Variants in ETFA observed in about 807,000 individuals in gnomAD.
ETFA encodes electron transfer flavoprotein subunit alpha, also known as electron transfer flavoprotein subunit alpha, mitochondrial.
ETFA carries 22 observed loss-of-function variants against 46.2 expected under a neutral mutation model. The ratio of observed to expected loss-of-function variants is 0.48; its 90% CI spans 0.34 to 0.68. The LOEUF (loss-of-function observed/expected upper bound fraction) is 0.68. Among genes scored for constraint, ETFA ranks in the 30% least tolerant of loss-of-function variants. ETFA has a pLI of 0.01. For missense variants in ETFA, 345 were observed against 401.1 expected (o/e 0.86, Z 1.19); for synonymous variants, 131 against 139.9 (o/e 0.94, Z 0.45).
chr15:76,259,809 T>A, intron 9 of ETFA: 1 of 1,602,836 alleles, frequency 6.2e-7, no homozygotes, highest in South Asian at 1.1e-5. Flanking sequence ...ATGTCCACCA[T>A]GAACCGGATC....
chr15:76,289,697 A>G (rs1262672592), intron 4 of ETFA, among the ~76,000 whole-genome samples: 1 of 152,240 alleles, frequency 6.6e-6, no homozygotes, highest in Non-Finnish European at 1.5e-5. Flanking sequence ...TCTAGCAGAC[A>G]AGTATAAAAG....
rs569245965 is a variant in ETFA, at chr15:76,250,485, TAGTAA to T, written c.817-19092_817-19088del. 6.3e-3 allele frequency among the ~76,000 whole-genome samples: 964 copies of T among 152,220 alleles called. 16 individuals are homozygous for T. The highest frequency in any genetic ancestry group is 0.022 in the African/African-American group (907 of 41,534). On this transcript the variant is annotated intron_variant, in intron 9 of 11. Transcript: ENST00000557943. ...TACTGCTTAGGGATCTGTAGATATG[TAGTAA>T]AGTAAAAATGAAATGTCTTGAAACA...
intron 4 of ETFA, among the ~76,000 whole-genome samples, chr15:76,290,870 G>A (rs773905976): frequency 1.3e-5 from 2 of 152,096 alleles, no homozygotes; most frequent in African/African-American, 2.4e-5. Context: ...TGTACTACAC[G>A]CAGTCTTCCT....
intron 1 of ETFA, among the ~76,000 whole-genome samples, chr15:76,308,674 A>G (rs895648350): frequency 1.3e-5 from 2 of 152,240 alleles, no homozygotes; most frequent in Non-Finnish European, 2.9e-5. Flanking sequence ...CAGGACATCT[A>G]GAGTATCTTA....
rs778563329 is a variant in ETFA, at chr15:76,311,405, G to A, written c.-17C>T. 6 of 1,555,920 alleles carry A rather than the reference G, an allele frequency of 3.9e-6. No homozygotes were observed. The highest frequency in any genetic ancestry group is 2.7e-5 in the African/African-American group (2 of 73,684). ...TCGGAACATGGTCTCCGCTTCCGCC[G>A]CAACCTCGGCCTTACAGCAGCCCCG... On this transcript the variant is annotated 5_prime_UTR_variant, in exon 1 of 12. Transcript: ENST00000557943.
chr15:76,277,071 G>T (rs1044944140), intron 8 of ETFA, among the ~76,000 whole-genome samples: 7 of 152,144 alleles, frequency 4.6e-5, no homozygotes, highest in Non-Finnish European at 1.0e-4. Context: ...GTAAGGTGTT[G>T]GGGGAAAGGA....
At chr15:76,259,682 C>G in intron 9 of ETFA, 2 of 1,082,372 alleles carry the variant, frequency 1.8e-6, no homozygotes, top group Non-Finnish European at 2.9e-6. Context: ...GTAGATCTTC[C>G]AGGAGAGTCC....
At chr15:76,253,450 G>A (rs2039320253) in intron 9 of ETFA, among the ~76,000 whole-genome samples, 1 of 152,084 alleles carries the variant, frequency 6.6e-6, no homozygotes, top group African/African-American at 2.4e-5. Flanking sequence ...TTGATCATCA[G>A]AAAGAGCAGT....
chr15:76,292,601 T>C lies in ETFA; in HGVS notation c.268+18A>G, dbSNP rs757775846. On this transcript the variant is annotated intron_variant, in intron 3 of 11. Transcript: ENST00000557943. ...GCGTAATTTAGACACTACATTTTTTTCTACTGGAAAACCTCACCTGGAAGT... is the reference window on the plus strand; with the variant it reads ...GCGTAATTTAGACACTACATTTTTTCCTACTGGAAAACCTCACCTGGAAGT... The C allele has an allele frequency of 6.2e-7, 1 of 1,607,788 alleles. No homozygotes were observed. The highest frequency in any genetic ancestry group is 1.7e-5 in the Admixed American group (1 of 60,022).
At chr15:76,296,912 G>A (rs1438389812) in intron 1 of ETFA, among the ~76,000 whole-genome samples, 3 of 152,312 alleles carry the variant, frequency 2.0e-5, no homozygotes, top group African/African-American at 7.2e-5. Context: ...ACAGTCAAGT[G>A]GGGAAGGAAG....
intron 9 of ETFA, among the ~76,000 whole-genome samples, chr15:76,244,317 C>T (rs2039223584): frequency 6.6e-6 from 1 of 152,120 alleles, no homozygotes; most frequent in African/African-American, 2.4e-5. Context: ...AATAGTAATG[C>T]CAGTTAAAAA....
chr15:76,254,790 G>T (rs541676908), intron 9 of ETFA, among the ~76,000 whole-genome samples: 1 of 152,122 alleles, frequency 6.6e-6, no homozygotes, highest in Non-Finnish European at 1.5e-5. Context: ...GTATAAATTT[G>T]TGTGTATATA....
intron 8 of ETFA, among the ~76,000 whole-genome samples, chr15:76,282,102 CCA>C (rs1481587515): frequency 6.6e-6 from 1 of 151,964 alleles, no homozygotes; most frequent in African/African-American, 2.4e-5. Flanking sequence ...TGGGGTTTCA[CCA>C]CGTTGGCCAG....
At chr15:76,310,252 T>TAAACAAAC (rs200222031) in intron 1 of ETFA, among the ~76,000 whole-genome samples, 3 of 149,262 alleles carry the variant, frequency 2.0e-5, no homozygotes, top group East Asian at 2.0e-4. Flanking sequence ...CCTTGTCTCT[T>TAAACAAAC]AAACAAACAA....
At chr15:76,297,201 A>G (rs1160103142) in intron 1 of ETFA, among the ~76,000 whole-genome samples, 1 of 152,178 alleles carries the variant, frequency 6.6e-6, no homozygotes, top group African/African-American at 2.4e-5. Flanking sequence ...GAATGAAATG[A>G]AAGTTCTTAG....
At chr15:76,216,998 G>A (rs1849533870) in intron 11 of ETFA, among the ~76,000 whole-genome samples, 1 of 151,792 alleles carries the variant, frequency 6.6e-6, no homozygotes, top group South Asian at 2.1e-4. Flanking sequence ...TCTAATTCTT[G>A]TAGAGATGGG....
At chr15:76,279,581 T>C (rs1034502624) in intron 8 of ETFA, among the ~76,000 whole-genome samples, 1 of 151,918 alleles carries the variant, frequency 6.6e-6, no homozygotes, top group African/African-American at 2.4e-5. Flanking sequence ...CTGGCCAGAA[T>C]TGTTCTTTTA....
chr15:76,309,471 C>A (rs183297137), intron 1 of ETFA, among the ~76,000 whole-genome samples: 151 of 151,488 alleles, frequency 1.0e-3, no homozygotes, highest in Middle Eastern at 6.8e-3. Flanking sequence ...AACAAACAAA[C>A]AAAAAAAACA....
Position 76,259,682 on chromosome 15 carries a change from C to T in ETFA, c.816+14730G>A. The T allele has an allele frequency of 6.5e-6, 7 of 1,082,374 alleles. No homozygotes were observed. In the Middle Eastern group the frequency reaches 1.4e-3, roughly 215 times the overall value. 67.0% of individuals were successfully genotyped at this position (1,082,374 alleles called of 1,614,324 possible). On this transcript the variant is annotated intron_variant, in intron 9 of 11. Coordinates refer to ENST00000557943, the MANE Select transcript of ETFA (RefSeq NM_000126.4). ...AATAGTAGCCCCGCTGTAGATCTTC[C>T]AGGAGAGTCCAAAGTCAGCCACACA...
Sources: allele counts gnomAD v4.1 joint callset (sites outside exome capture counted in the v4.1 genomes callset), GRCh38; gene constraint gnomAD v4.1.1; transcripts MANE v1.5; gene names NCBI Gene and HGNC (gene_info 2026-07-23, HGNC 2026-07-21).